NALCN: variants seen among roughly 807,000 people sequenced by gnomAD.
NALCN encodes sodium leak channel NALCN.
NALCN carries 111 observed loss-of-function variants against 225.3 expected under a neutral mutation model. The observed-to-expected ratio is 0.49, with a 90% CI of 0.42 to 0.58. The LOEUF (loss-of-function observed/expected upper bound fraction) is 0.58. Ranked by LOEUF, NALCN falls within the 20% of genes least tolerant of loss-of-function variation. NALCN has a pLI of 0.00. For missense variants in NALCN, 1,378 were observed against 2,202.4 expected, an observed-to-expected ratio of 0.63 and a Z score of 7.49; for synonymous variants, 764 against 769.0, an observed-to-expected ratio of 0.99 and a Z score of 0.11.
chr13:101,093,071 T>A (rs2034319392), intron 28 of NALCN, among the ~76,000 whole-genome samples: 1 of 152,136 alleles, frequency 6.6e-6, no homozygotes, highest in Non-Finnish European at 1.5e-5. Flanking sequence ...GCCTGAATAC[T>A]TTGTTAGTTT....
chr13:101,394,075 A>T (rs747556265), intron 3 of NALCN, among the ~76,000 whole-genome samples: 11 of 152,212 alleles, frequency 7.2e-5, no homozygotes, highest in Non-Finnish European at 1.5e-4. Context: ...TTCTGAAATG[A>T]CTTGGTTTCT....
At chr13:101,118,229 C>T (rs995348421) in intron 18 of NALCN, among the ~76,000 whole-genome samples, 9 of 151,984 alleles carry the variant, frequency 5.9e-5, no homozygotes, top group African/African-American at 1.9e-4. Context: ...TGCCGCAAAC[C>T]TAAAACTGCT....
At chr13:101,315,874 T>C (rs1190604425) in intron 7 of NALCN, among the ~76,000 whole-genome samples, 1 of 61,356 alleles carries the variant, frequency 1.6e-5, no homozygotes, top group African/African-American at 6.0e-5. Context: ...CTCCTCCTTT[T>C]AAGCTACCAA....
intron 13 of NALCN, among the ~76,000 whole-genome samples, chr13:101,193,102 CTTT>C (rs5806199): frequency 9.8e-5 from 14 of 142,274 alleles, no homozygotes; most frequent in Admixed American, 1.4e-4. Context: ...CTGATTCCTT[CTTT>C]TTTTTTTTTT....
intron 11 of NALCN, among the ~76,000 whole-genome samples, chr13:101,248,980 AC>A (rs2041982255): frequency 6.6e-6 from 1 of 151,964 alleles, no homozygotes. Context: ...AGGCCCTGGA[AC>A]CCCCTGAGCT....
chr13:101,126,100 G>A (rs2036215706), intron 17 of NALCN, among the ~76,000 whole-genome samples: 1 of 152,216 alleles, frequency 6.6e-6, no homozygotes. Flanking sequence ...ATGTCAGTCA[G>A]TGTGTCCATA....
chr13:101,111,221 C>T lies in NALCN; in HGVS notation c.2198G>A (p.Cys733Tyr), dbSNP rs1400050131. The T allele has an allele frequency of 6.3e-7, 1 of 1,584,728 alleles. No individual in the cohort carries two copies. The highest frequency in any genetic ancestry group is 1.7e-5 in the Admixed American group (1 of 58,992). The change falls in exon 19 of 44, where the codon TGC (cysteine) becomes TAC (tyrosine). Residue 733 changes from cysteine (C) to tyrosine (Y), a missense_variant. This residue lies in a region of NALCN where 100 missense variants were observed against 89.4 expected (regional missense o/e 1.12). Transcript: ENST00000251127. Reference sequence around the variant, plus strand: ...TCCGCTCAGCATGCGCTGTCGGGTGCAAGCTCTAGGAAAAAAAAAGGAGCC... The same window carrying T: ...TCCGCTCAGCATGCGCTGTCGGGTGTAAGCTCTAGGAAAAAAAAAGGAGCC... ...ETAVTKILRACTRQRMLSGSF... is the reference protein window; with the variant it reads ...ETAVTKILRAYTRQRMLSGSF...
At chr13:101,196,646 T>C (rs2039902905) in intron 13 of NALCN, among the ~76,000 whole-genome samples, 1 of 152,198 alleles carries the variant, frequency 6.6e-6, no homozygotes, top group Admixed American at 6.6e-5. Context: ...GAGAGAAGTA[T>C]TAGCTGAGGC....
intron 13 of NALCN, among the ~76,000 whole-genome samples, chr13:101,210,533 C>A (rs977295601): frequency 2.0e-5 from 3 of 151,842 alleles, no homozygotes; most frequent in African/African-American, 7.3e-5. Flanking sequence ...TTTTTTTTAC[C>A]TTTTGCATTT....
intron 7 of NALCN, among the ~76,000 whole-genome samples, chr13:101,338,208 A>C (rs2045444777): frequency 6.6e-6 from 1 of 152,218 alleles, no homozygotes; most frequent in Non-Finnish European, 1.5e-5. Context: ...CAGCTCGTGT[A>C]GTGTTAAGGG....
At chr13:101,398,054 C>T (rs1183184429) in intron 2 of NALCN, among the ~76,000 whole-genome samples, 1 of 152,048 alleles carries the variant, frequency 6.6e-6, no homozygotes. Context: ...GGACAGTGTG[C>T]TGACACAGGA....
intron 37 of NALCN, among the ~76,000 whole-genome samples, chr13:101,069,246 G>C (rs1190453440): frequency 1.3e-5 from 2 of 152,242 alleles, no homozygotes; most frequent in East Asian, 3.8e-4. Context: ...ATACCTCGGA[G>C]ACATTGCAGT....
chr13:101,073,728 C>A (rs773319411), intron 36 of NALCN, 51 bp from the exon 37 acceptor site: 2 of 1,477,116 alleles, frequency 1.4e-6, no homozygotes. Flanking sequence ...AAGGGTTTGT[C>A]ATGAAATAGC....
chr13:101,249,076 G>A (rs1274146376), intron 11 of NALCN, among the ~76,000 whole-genome samples: 1 of 152,008 alleles, frequency 6.6e-6, no homozygotes, highest in African/African-American at 2.4e-5. Context: ...CAGGTAGTTA[G>A]CATCAGAAGT....
At chr13:101,146,353 T>C (rs1030520501) in intron 15 of NALCN, among the ~76,000 whole-genome samples, 6 of 152,178 alleles carry the variant, frequency 3.9e-5, no homozygotes, top group Non-Finnish European at 8.8e-5. Context: ...CTCAACGCAG[T>C]AATGTGTGCA....
At chr13:101,400,623 AAG>A (rs2047449714) in intron 1 of NALCN, among the ~76,000 whole-genome samples, 3 of 151,708 alleles carry the variant, frequency 2.0e-5, no homozygotes, top group African/African-American at 7.3e-5. Flanking sequence ...TTTACTGGAA[AAG>A]AGAATAAAAC....
chr13:101,319,490 G>A (rs996801166), intron 7 of NALCN, among the ~76,000 whole-genome samples: 1 of 152,034 alleles, frequency 6.6e-6, no homozygotes, highest in African/African-American at 2.4e-5. Context: ...GAATCAAAGC[G>A]ATTTTATCAT....
At chr13:101,068,886 T>C (rs1232828183) in intron 37 of NALCN, 59 bp from the exon 38 acceptor site, 2 of 1,491,246 alleles carry the variant, frequency 1.3e-6, no homozygotes, top group South Asian at 1.5e-5. Flanking sequence ...AAATTTCTTT[T>C]AGCTGACTAT....
At chr13:101,101,271 A>C (rs571679538) in intron 26 of NALCN, among the ~76,000 whole-genome samples, 1,191 of 116,972 alleles carry the variant, frequency 0.01, 8 homozygotes, top group African/African-American at 0.028. Flanking sequence ...ATATATATTT[A>C]TTTTTTTTTC....
Sources: allele counts gnomAD v4.1 joint callset (sites outside exome capture counted in the v4.1 genomes callset), GRCh38; gene constraint gnomAD v4.1.1; regional missense constraint gnomAD v4.1.1; transcripts MANE v1.5; gene names NCBI Gene and HGNC (gene_info 2026-07-23, HGNC 2026-07-21).